Variants in FBXO10 observed in about 807,000 individuals in gnomAD.
The protein encoded by FBXO10 is F-box only protein 10.
Under a neutral mutation model 80.7 loss-of-function variants are expected in FBXO10, and 39 were observed. The ratio of observed to expected loss-of-function variants is 0.48; its 90% CI spans 0.37 to 0.63. The LOEUF (loss-of-function observed/expected upper bound fraction) is 0.63. FBXO10 is among the 30% of genes least tolerant of loss of function. The probability of loss-of-function intolerance (pLI) is 0.00; values close to 1 mark genes in which losing one functional copy is unlikely to be tolerated. For missense variants in FBXO10, 1,025 were observed against 1,269.0 expected, an observed-to-expected ratio of 0.81 and a Z score of 2.92; for synonymous variants, 449 against 489.6, an observed-to-expected ratio of 0.92 and a Z score of 1.09.
rs557555423 is a variant in FBXO10 at position 37,560,348 on chromosome 9, C to T, written c.-7+15863G>A. Among the ~76,000 whole-genome samples, 3 of 152,240 alleles carry T rather than the reference C, an allele frequency of 2.0e-5. No individual in the cohort carries two copies. The East Asian group carries it at 5.8e-4, about 29-fold the overall frequency. ...TTCGGTTTCTTGGGGTTCCAAGAAG[C>T]CCACCTATAGTAGGAAGCACATGGT... On this transcript the variant is annotated intron_variant, in intron 1 of 10. Coordinates refer to ENST00000432825, the MANE Select transcript of FBXO10 (RefSeq NM_012166.3).
At chr9:37,522,458 T>A in intron 7 of FBXO10, 1 of 1,042,056 alleles carries the variant, frequency 9.6e-7, no homozygotes, top group Non-Finnish European at 1.2e-6. Context: ...TTCCTGTGAT[T>A]ATCTTGTTTT....
At chr9:37,512,924 A>C (rs868531845) in intron 10 of FBXO10, among the ~76,000 whole-genome samples, 9 of 152,344 alleles carry the variant, frequency 5.9e-5, no homozygotes, top group Admixed American at 3.3e-4. Flanking sequence ...TTCCACGTCC[A>C]GCTCTGCCTT....
intron 8 of FBXO10, among the ~76,000 whole-genome samples, chr9:37,519,076 A>C (rs574113927): frequency 1.6e-4 from 24 of 151,842 alleles, no homozygotes; most frequent in South Asian, 4.2e-4. Flanking sequence ...CGCCCGGCTA[A>C]TTTTTTGTAT....
rs527777974 is a variant in FBXO10 at position 37,529,581 on chromosome 9, A to G, written c.1570-321T>C. On this transcript the variant is annotated intron_variant, in intron 4 of 10. Coordinates refer to ENST00000432825, the MANE Select transcript of FBXO10 (RefSeq NM_012166.3). ...CCTCTAATGAGTCCCCTAAACACATAATCATTTGGCCAGGCCATAACTTCT... is the reference window on the plus strand; with the variant it reads ...CCTCTAATGAGTCCCCTAAACACATGATCATTTGGCCAGGCCATAACTTCT... Among the ~76,000 whole-genome samples, 18 of 152,262 alleles carry G rather than the reference A, an allele frequency of 1.2e-4. No homozygotes were observed. The South Asian group carries it at 3.7e-3, about 32-fold the overall frequency.
At chr9:37,568,770 G>A (rs1416576953) in intron 1 of FBXO10, among the ~76,000 whole-genome samples, 1 of 152,126 alleles carries the variant, frequency 6.6e-6, no homozygotes, top group Non-Finnish European at 1.5e-5. Flanking sequence ...GTGGTCTAAG[G>A]TCGCTGTACT....
intron 1 of FBXO10, among the ~76,000 whole-genome samples, chr9:37,545,336 C>T (rs1173763543): frequency 6.6e-6 from 1 of 151,912 alleles, no homozygotes; most frequent in East Asian, 2.0e-4. Flanking sequence ...ACCGCCATGC[C>T]CAGCTAACTT....
intron 9 of FBXO10, 55 bp from the exon 10 acceptor site, chr9:37,516,140 A>G (rs778513305): frequency 9.0e-6 from 14 of 1,553,022 alleles, no homozygotes; most frequent in Non-Finnish European, 1.2e-5. Context: ...ACTGAGTGGG[A>G]GAGCTGGGCA....
rs146537603 is a variant in FBXO10, at chr9:37,542,741, A to G, written c.-6-967T>C. On this transcript the variant is annotated intron_variant, in intron 1 of 10. Transcript: ENST00000432825. ...TGAGCACATGTGTGTGTGTATCCTG[A>G]TAGTACTGATTCCAGATTCTTAAAG... is the stretch of plus-strand genomic sequence containing the variant. Among the ~76,000 whole-genome samples, 860 of 152,334 alleles carry G rather than the reference A, an allele frequency of 5.6e-3. 12 individuals are homozygous for G. Among genetic ancestry groups the G allele is most frequent in the African/African-American group, 0.019 (791 of 41,586 alleles).
Position 37,537,376 on chromosome 9 carries a change from A to G in FBXO10, c.1153T>C (p.Leu385=), listed in dbSNP as rs112418598. ...SYQVQGPRPV[L]GGSFLGPPLP... is the part of the protein sequence containing the mutation. ...GGTGGGCCCAGAAATGAGCCCCCCA[A>G]TACAGGGCGTGGGCCCTGCACTTGG... The change falls in exon 3 of 11, where the codon TTG becomes CTG. Residue 385 remains leucine (L), a synonymous_variant. Coordinates refer to ENST00000432825, the MANE Select transcript of FBXO10 (RefSeq NM_012166.3). 244 of 1,597,442 alleles carry G rather than the reference A, an allele frequency of 1.5e-4. 6 individuals carry two copies. The African/African-American group carries it at 1.9e-3, about 13-fold the overall frequency.
chr9:37,538,305 G>C (rs1432636696), intron 2 of FBXO10, among the ~76,000 whole-genome samples: 2 of 152,224 alleles, frequency 1.3e-5, no homozygotes, highest in Non-Finnish European at 2.9e-5. Flanking sequence ...TGCTGGCAAA[G>C]AGTTCTGACT....
At chr9:37,525,743 T>C (rs1057348339) in intron 5 of FBXO10, among the ~76,000 whole-genome samples, 7 of 152,072 alleles carry the variant, frequency 4.6e-5, no homozygotes, top group African/African-American at 1.7e-4. Context: ...TTTGCTACGT[T>C]GCCCAGGCTG....
chr9:37,522,324 T>C, intron 7 of FBXO10: 1 of 996,858 alleles, frequency 1.0e-6, no homozygotes, highest in Non-Finnish European at 1.2e-6. Flanking sequence ...TGATCATGCA[T>C]AGAAAGGGCT....
intron 9 of FBXO10, 23 bp from the exon 10 acceptor site, chr9:37,516,108 G>A: frequency 6.2e-7 from 1 of 1,604,828 alleles, no homozygotes; most frequent in African/African-American, 1.3e-5. Context: ...GCCAGAGATT[G>A]TCACACCTCA....
chr9:37,560,829 T>C (rs1822460712), intron 1 of FBXO10, among the ~76,000 whole-genome samples: 2 of 152,152 alleles, frequency 1.3e-5, no homozygotes, highest in Admixed American at 1.3e-4. Context: ...CCCCAAGTGG[T>C]TCCGTTTTTT....
chr9:37,517,956 C>G lies in FBXO10; in HGVS notation c.2514+169G>C, dbSNP rs74691808. The stretch of plus-strand genomic sequence containing the variant: ...TCAGGACTCAGCTTCTCCGTCCCCC[C>G]CTGTGGGAAGTCCCACCCACATTTC... On this transcript the variant is annotated intron_variant, in intron 9 of 10. Coordinates refer to ENST00000432825, the MANE Select transcript of FBXO10 (RefSeq NM_012166.3). 5.5e-4 allele frequency among the ~76,000 whole-genome samples: 83 copies of G among 150,698 alleles called. 1 individual carries two copies. The East Asian group carries it at 6.8e-3, about 12-fold the overall frequency.
At chr9:37,524,689 T>TG (rs1280257759) in intron 6 of FBXO10, among the ~76,000 whole-genome samples, 2 of 152,178 alleles carry the variant, frequency 1.3e-5, no homozygotes, top group Non-Finnish European at 2.9e-5. Flanking sequence ...CTGTGTACAA[T>TG]GGGGAAGTCA....
At chr9:37,544,817 A>C (rs1349049377) in intron 1 of FBXO10, among the ~76,000 whole-genome samples, 1 of 151,862 alleles carries the variant, frequency 6.6e-6, no homozygotes, top group African/African-American at 2.4e-5. Context: ...ACATGGTGAA[A>C]CCCCGTCTCT....
At chr9:37,540,635 C>T (rs1821887007) in intron 2 of FBXO10, among the ~76,000 whole-genome samples, 1 of 152,216 alleles carries the variant, frequency 6.6e-6, no homozygotes. Context: ...TCTTCTGGCT[C>T]TGCATTCACG....
chr9:37,556,792 G>A (rs150417949), intron 1 of FBXO10, among the ~76,000 whole-genome samples: 62 of 152,138 alleles, frequency 4.1e-4, no homozygotes, highest in African/African-American at 1.2e-3. Context: ...TGATCTGTCC[G>A]TCTTGTCCTC....
Sources: allele counts gnomAD v4.1 joint callset (sites outside exome capture counted in the v4.1 genomes callset), GRCh38; gene constraint gnomAD v4.1.1; transcripts MANE v1.5; gene names NCBI Gene and HGNC (gene_info 2026-07-23, HGNC 2026-07-21).